The following RAC1 variants were observed in gnomAD, a reference collection of about 807,000 sequenced individuals.
RAC1 encodes ras-related C3 botulinum toxin substrate 1.
RAC1 carries 2 observed loss-of-function variants against 25.2 expected under a neutral mutation model. The ratio of observed to expected loss-of-function variants is 0.08; its 90% CI spans 0.03 to 0.25. The LOEUF is 0.25. Ranked by LOEUF, RAC1 falls within the 10% of genes least tolerant of loss-of-function variation. The pLI is 1.00. For synonymous variants in RAC1, 88 were observed against 94.0 expected, an observed-to-expected ratio of 0.94 and a Z score of 0.37; for missense variants, 50 against 235.7, an observed-to-expected ratio of 0.21 and a Z score of 5.16.
rs924953663 is a variant in RAC1, at chr7:6,390,947, G to T, written c.108-977G>T. Among the ~76,000 whole-genome samples, 7 of 152,152 alleles carry T rather than the reference G, an allele frequency of 4.6e-5. No homozygotes were observed. The East Asian group carries it at 1.4e-3, about 29-fold the overall frequency. ...AGTTTCGCACTTGTTGCCCAGGCCG[G>T]AGTGCAGTGGCGCAACTTGGCCCAC... On this transcript the variant is annotated intron_variant, in intron 2 of 5. Coordinates refer to ENST00000348035, the MANE Select transcript of RAC1 (RefSeq NM_006908.5).
intron 1 of RAC1, among the ~76,000 whole-genome samples, chr7:6,381,794 C>A (rs938968471): frequency 1.3e-5 from 2 of 152,084 alleles, no homozygotes; most frequent in African/African-American, 4.8e-5. Context: ...CTGCACTACT[C>A]TAGTGGTGTA....
At chr7:6,379,096 G>C (rs1411163095) in intron 1 of RAC1, among the ~76,000 whole-genome samples, 2 of 150,558 alleles carry the variant, frequency 1.3e-5, no homozygotes, top group Non-Finnish European at 3.0e-5. Flanking sequence ...GTCTCAAAAA[G>C]GAAAAAAAAG....
intron 2 of RAC1, among the ~76,000 whole-genome samples, chr7:6,389,086 C>G (rs1409975084): frequency 6.6e-6 from 1 of 151,774 alleles, no homozygotes; most frequent in African/African-American, 2.4e-5. Context: ...CCTGTAGTCC[C>G]AGCTACTCAG....
intron 3 of RAC1, among the ~76,000 whole-genome samples, chr7:6,397,102 G>T (rs1179569349): frequency 6.9e-6 from 1 of 144,964 alleles, no homozygotes; most frequent in Non-Finnish European, 1.5e-5. Context: ...TTAGCTGGGC[G>T]CAGTGGCGGA....
intron 3 of RAC1, among the ~76,000 whole-genome samples, chr7:6,398,943 G>C (rs1323674892): frequency 6.6e-6 from 1 of 152,190 alleles, no homozygotes. Flanking sequence ...CTCCTCCCAA[G>C]TGAAAGGAGG....
At chr7:6,395,314 A>G (rs1454293876) in intron 3 of RAC1, among the ~76,000 whole-genome samples, 1 of 152,046 alleles carries the variant, frequency 6.6e-6, no homozygotes, top group Non-Finnish European at 1.5e-5. Context: ...GATGGTAGAT[A>G]AAAAGAAAAA....
chr7:6,396,370 G>C (rs1783234962), intron 3 of RAC1, among the ~76,000 whole-genome samples: 1 of 152,144 alleles, frequency 6.6e-6, no homozygotes, highest in African/African-American at 2.4e-5. Flanking sequence ...GGGATGCTAG[G>C]AAGTGAGTAC....
rs770436595 is a variant in RAC1 at position 6,400,208 on chromosome 7, G to A, written c.288+20G>A. On this transcript the variant is annotated intron_variant, in intron 4 of 5. Coordinates refer to ENST00000348035, the MANE Select transcript of RAC1 (RefSeq NM_006908.5). ...GCAAAGGTAGGTGGGGATTTAAAAT[G>A]TGTATGTAAGTTATAGAATGATCCT... The A allele has an allele frequency of 7.7e-6, 12 of 1,567,704 alleles. No individual in the cohort carries two copies. In the East Asian group the frequency reaches 2.5e-4, roughly 32 times the overall value.
intron 2 of RAC1, among the ~76,000 whole-genome samples, chr7:6,389,126 C>A (rs34569168): frequency 6.6e-6 from 1 of 151,418 alleles, no homozygotes; most frequent in Non-Finnish European, 1.5e-5. Flanking sequence ...TGCTTGAACC[C>A]GGGAAGCAGA....
At chr7:6,394,842 G>C (rs1222824973) in intron 3 of RAC1, among the ~76,000 whole-genome samples, 1 of 151,300 alleles carries the variant, frequency 6.6e-6, no homozygotes, top group African/African-American at 2.4e-5. Flanking sequence ...TACCATGCCT[G>C]GCTAATTTTG....
At chr7:6,390,291 T>G (rs1040030752) in intron 2 of RAC1, among the ~76,000 whole-genome samples, 4 of 151,644 alleles carry the variant, frequency 2.6e-5, no homozygotes, top group Non-Finnish European at 5.9e-5. Flanking sequence ...ATATAGAAAT[T>G]TAGCATTTAA....
In RAC1 at chr7:6,376,779, G is replaced by GTTT. The variant is rs35795933; in HGVS notation, c.35+2028_35+2030dup. Reference sequence around the variant, plus strand: ...TCAAGTGATCCGCCCGCCTCGGCCTGTTTTTTTTTTTTTTTTTTTTTAAGT... The same window carrying GTTT: ...TCAAGTGATCCGCCCGCCTCGGCCTGTTTTTTTTTTTTTTTTTTTTTTTTAAGT... On this transcript the variant is annotated intron_variant, in intron 1 of 5. Transcript: ENST00000348035. 1.1e-4 allele frequency among the ~76,000 whole-genome samples: 13 copies of GTTT among 116,356 alleles called. No homozygotes were observed. In the South Asian group the frequency reaches 1.4e-3, roughly 12 times the overall value. 76.3% of individuals were successfully genotyped at this position (116,356 alleles called of 152,430 possible).
chr7:6,391,860 GGA>G (rs1783101628), intron 2 of RAC1, 62 bp from the exon 3 acceptor site: 1 of 1,609,512 alleles, frequency 6.2e-7, no homozygotes. Context: ...ACCTTCTCTA[GGA>G]TGGCTGGGAC....
chr7:6,393,062 A>T (rs766666676), intron 3 of RAC1, among the ~76,000 whole-genome samples: 12 of 152,168 alleles, frequency 7.9e-5, no homozygotes, highest in Non-Finnish European at 1.5e-4. Flanking sequence ...GGTGCTCAGC[A>T]CACCTGGGTT....
chr7:6,402,523 A>C lies in RAC1; in HGVS notation c.*77A>C. The stretch of plus-strand genomic sequence containing the variant: ...TGCTCAAAAAAAAACAAAAAAAAAA[A>C]ACAAAAAAAAAAAACAACGGTGGAG... On this transcript the variant is annotated 3_prime_UTR_variant, in exon 6 of 6. Transcript: ENST00000348035. 5 of 1,036,638 alleles carry C rather than the reference A, an allele frequency of 4.8e-6. No homozygotes were observed. The highest frequency in any genetic ancestry group is 5.9e-6 in the Non-Finnish European group (5 of 841,132). The allele number at this position is 1,036,638 out of a possible 1,614,324, so 64.2% of individuals were successfully genotyped here.
intron 1 of RAC1, among the ~76,000 whole-genome samples, chr7:6,379,727 A>AT (rs1782711794): frequency 6.6e-6 from 1 of 151,904 alleles, no homozygotes. Flanking sequence ...CAGTTTTATT[A>AT]TTTTATTTTT....
At chr7:6,394,466 TG>T (rs1384839481) in intron 3 of RAC1, among the ~76,000 whole-genome samples, 1 of 126,044 alleles carries the variant, frequency 7.9e-6, no homozygotes, top group Admixed American at 7.6e-5. Context: ...GTAGATCACC[TG>T]TATTTATTTG....
In RAC1 at chr7:6,379,602, G is replaced by T. The variant is rs531878698; in HGVS notation, c.35+4832G>T. 2.8e-4 allele frequency among the ~76,000 whole-genome samples: 43 copies of T among 152,222 alleles called. No individual in the cohort carries two copies. The South Asian group carries it at 8.3e-3, about 29-fold the overall frequency. On this transcript the variant is annotated intron_variant, in intron 1 of 5. Transcript: ENST00000348035. ...TTTTTGTATTTTTAATAGAGACAGGGTTTCACCATGTTGACCAGGTTGGTT... is the reference window on the plus strand; with the variant it reads ...TTTTTGTATTTTTAATAGAGACAGGTTTTCACCATGTTGACCAGGTTGGTT...
intron 3 of RAC1, among the ~76,000 whole-genome samples, chr7:6,399,538 C>T (rs1207249832): frequency 2.6e-5 from 4 of 152,220 alleles, no homozygotes; most frequent in Non-Finnish European, 5.9e-5. Flanking sequence ...ACAGCTGCCC[C>T]GGGAGCGAGT....
Sources: gnomAD v4.1 joint callset for allele counts (sites outside exome capture counted in the v4.1 genomes callset) on GRCh38, gnomAD v4.1.1 for gene constraint, MANE v1.5 for transcripts, NCBI Gene and HGNC (gene_info 2026-07-23, HGNC 2026-07-21) for gene names.